The following PRMT3 variants were observed in gnomAD, a reference collection of about 807,000 sequenced individuals.
The protein encoded by PRMT3 is protein arginine methyltransferase 3, also known as protein arginine N-methyltransferase 3.
In PRMT3, 62 loss-of-function variants were observed where a neutral mutation model predicts 71.9. That is an observed-to-expected ratio of 0.86 (90% CI 0.70 to 1.07). The LOEUF is 1.07. Among genes scored for constraint, PRMT3 ranks in the 50% least tolerant of loss-of-function variants. The probability of loss-of-function intolerance (pLI) is 0.00; values close to 1 mark genes in which losing one functional copy is unlikely to be tolerated. For missense variants in PRMT3, 663 were observed against 643.0 expected (o/e 1.03, Z -0.34); for synonymous variants, 213 against 220.4 (o/e 0.97, Z 0.30).
In PRMT3 at chr11:20,473,282, T is replaced by G. The variant is rs1442045317; in HGVS notation, c.1347+8736T>G. 5.3e-5 allele frequency among the ~76,000 whole-genome samples: 8 copies of G among 152,222 alleles called. No homozygotes were observed. In the South Asian group the frequency reaches 1.7e-3, roughly 32 times the overall value. On this transcript the variant is annotated intron_variant, in intron 13 of 15. Coordinates refer to ENST00000331079, the MANE Select transcript of PRMT3 (RefSeq NM_005788.4). Reference sequence around the variant, plus strand: ...CTTGTCTTCTGCTAGGTTTGGGGTTTGTTTGCTTTTGGTTCTCTAGTGCTT... The same window carrying G: ...CTTGTCTTCTGCTAGGTTTGGGGTTGGTTTGCTTTTGGTTCTCTAGTGCTT...
At chr11:20,502,131 T>A (rs1360338376) in intron 15 of PRMT3, among the ~76,000 whole-genome samples, 2 of 152,246 alleles carry the variant, frequency 1.3e-5, no homozygotes. Context: ...AGCCGTCTGC[T>A]GATGATAAAA....
At chr11:20,492,839 G>T (rs947244082) in intron 13 of PRMT3, among the ~76,000 whole-genome samples, 3 of 152,120 alleles carry the variant, frequency 2.0e-5, no homozygotes, top group Admixed American at 6.6e-5. Flanking sequence ...TGGGTGAGTC[G>T]CAAGGTCAGG....
intron 9 of PRMT3, among the ~76,000 whole-genome samples, chr11:20,417,344 A>G (rs545950299): frequency 5.9e-5 from 9 of 152,276 alleles, no homozygotes; most frequent in African/African-American, 2.2e-4. Flanking sequence ...TATTGTATCT[A>G]TTTATATCTA....
chr11:20,496,928 G>A (rs893423186), intron 15 of PRMT3, among the ~76,000 whole-genome samples: 3 of 152,180 alleles, frequency 2.0e-5, no homozygotes, highest in Non-Finnish European at 2.9e-5. Flanking sequence ...TCTGTCTGCA[G>A]AAAGCTTCAG....
intron 13 of PRMT3, among the ~76,000 whole-genome samples, chr11:20,469,627 C>A (rs1242369005): frequency 6.6e-6 from 1 of 152,048 alleles, no homozygotes. Context: ...GGAATATTTC[C>A]ATTTATGCAT....
rs36130968 is a variant in PRMT3 at position 20,504,684 on chromosome 11, T to TTGTG, written c.1487-3617_1487-3616insGTGT. Among the ~76,000 whole-genome samples the TTGTG allele has an allele frequency of 7.0e-4, 85 of 121,040 alleles. 5 individuals are homozygous for TTGTG. Among genetic ancestry groups the TTGTG allele is most frequent in the African/African-American group, 2.5e-3 (73 of 29,404 alleles). 79.4% of individuals were successfully genotyped at this position (121,040 alleles called of 152,430 possible). ...TATATTGTTACATTTATCTCAAGTA[T>TTGTG]TGTATGTGTGTGTGTGTGTGTGTGA... On this transcript the variant is annotated intron_variant, in intron 15 of 15. Coordinates refer to ENST00000331079, the MANE Select transcript of PRMT3 (RefSeq NM_005788.4).
chr11:20,408,236 A>G (rs1375628509), intron 9 of PRMT3, among the ~76,000 whole-genome samples: 1 of 152,092 alleles, frequency 6.6e-6, no homozygotes, highest in African/African-American at 2.4e-5. Flanking sequence ...CACAGTTCTC[A>G]TTGATGAGAA....
chr11:20,460,484 T>G (rs1850358575), intron 11 of PRMT3, among the ~76,000 whole-genome samples: 1 of 152,034 alleles, frequency 6.6e-6, no homozygotes, highest in Non-Finnish European at 1.5e-5. Context: ...GTTCTCTTAC[T>G]TTTGTGGCTC....
At chr11:20,469,339 A>C (rs1415439917) in intron 13 of PRMT3, among the ~76,000 whole-genome samples, 4 of 152,188 alleles carry the variant, frequency 2.6e-5, no homozygotes, top group African/African-American at 9.7e-5. Context: ...ATATTCGCTT[A>C]CTCTGTATGC....
chr11:20,391,491 C>T (rs549988343), intron 3 of PRMT3, among the ~76,000 whole-genome samples: 100 of 152,314 alleles, frequency 6.6e-4, no homozygotes, highest in African/African-American at 2.2e-3. Context: ...GATCCGCCTG[C>T]CTTGGCCTCC....
intron 10 of PRMT3, among the ~76,000 whole-genome samples, chr11:20,447,503 T>C (rs1166640285): frequency 1.3e-5 from 2 of 152,138 alleles, no homozygotes; most frequent in African/African-American, 4.8e-5. Flanking sequence ...GCGTTGATAA[T>C]AAGTTAGCCT....
intron 10 of PRMT3, among the ~76,000 whole-genome samples, chr11:20,440,489 C>CAAAAAAAAAAAAAAAAAAA (rs55801324): frequency 4.3e-5 from 5 of 115,954 alleles, no homozygotes; most frequent in East Asian, 2.5e-4. Flanking sequence ...ACTAAAAATA[C>CAAAAAAAAAAAAAAAAAAA]AAAAAAAAAA....
intron 10 of PRMT3, among the ~76,000 whole-genome samples, chr11:20,445,518 C>T (rs1850006432): frequency 6.6e-6 from 1 of 151,996 alleles, no homozygotes; most frequent in African/African-American, 2.4e-5. Flanking sequence ...TTATATAAAT[C>T]TTTGTATAAC....
rs368088013 is a variant in PRMT3 at position 20,456,935 on chromosome 11, A to G, written c.1072+4727A>G. 3.9e-4 allele frequency among the ~76,000 whole-genome samples: 60 copies of G among 152,090 alleles called. No individual in the cohort carries two copies. The East Asian group carries it at 5.8e-3, about 15-fold the overall frequency. On this transcript the variant is annotated intron_variant, in intron 11 of 15. Coordinates refer to ENST00000331079, the MANE Select transcript of PRMT3 (RefSeq NM_005788.4). ...GTCACCCAGGCTGGAGTGCAGTGGC[A>G]CGATCTTGGCTCACTGCAACCTTTG...
intron 10 of PRMT3, among the ~76,000 whole-genome samples, chr11:20,450,860 A>T (rs1380510968): frequency 1.7e-4 from 26 of 152,162 alleles, no homozygotes. Context: ...TATTATACTT[A>T]CCCCACTGAT....
chr11:20,440,778 A>G (rs541496036), intron 10 of PRMT3, among the ~76,000 whole-genome samples: 26 of 152,252 alleles, frequency 1.7e-4, no homozygotes, highest in Non-Finnish European at 3.1e-4. Flanking sequence ...AGCACTGGTT[A>G]CTGTTGTGTT....
intron 10 of PRMT3, among the ~76,000 whole-genome samples, chr11:20,427,096 G>A (rs1426156751): frequency 6.6e-6 from 1 of 152,012 alleles, no homozygotes; most frequent in African/African-American, 2.4e-5. Flanking sequence ...TCTTTAAAAA[G>A]TGATAAATTA....
chr11:20,507,853 TC>T (rs1565245211), intron 15 of PRMT3, among the ~76,000 whole-genome samples: 2 of 150,206 alleles, frequency 1.3e-5, no homozygotes, highest in Non-Finnish European at 3.0e-5. Flanking sequence ...ATTCCTGTAT[TC>T]CCAGCACTTT....
rs769267566 is a variant in PRMT3 at position 20,388,032 on chromosome 11, T to A, written c.42T>A (p.Ala14=). ...TGTGTGTGTTAGGCGGCCGGGGCGC[T>A]GTGGAGAATGAGGAGGACCTGCCAG... ...LASGATGGRG[A]VENEEDLPEL... is the part of the protein sequence containing the mutation. Residue 14 remains alanine, a synonymous_variant, in exon 2 of 16, where the codon GCT becomes GCA. Coordinates refer to ENST00000331079, the MANE Select transcript of PRMT3 (RefSeq NM_005788.4). 3 of 1,613,924 alleles carry A rather than the reference T, an allele frequency of 1.9e-6. No homozygotes were observed. The highest frequency in any genetic ancestry group is 2.5e-6 in the Non-Finnish European group (3 of 1,179,982).
Sources: gnomAD v4.1 joint callset for allele counts (sites outside exome capture counted in the v4.1 genomes callset) on GRCh38, gnomAD v4.1.1 for gene constraint, MANE v1.5 for transcripts, NCBI Gene and HGNC (gene_info 2026-07-23, HGNC 2026-07-21) for gene names.